Variants in GLS2 observed in about 807,000 individuals in gnomAD.
The protein encoded by GLS2 is glutaminase 2.
A neutral mutation model predicts 79.0 loss-of-function variants in GLS2; 52 were observed. The ratio of observed to expected loss-of-function variants is 0.66; its 90% confidence interval spans 0.53 to 0.83. The LOEUF (loss-of-function observed/expected upper bound fraction) is 0.83. Ranked by LOEUF, GLS2 falls within the 40% of genes least tolerant of loss-of-function variation. GLS2 has a pLI of 0.00. For missense variants in GLS2, 561 were observed against 764.8 expected, an observed-to-expected ratio of 0.73 and a Z score of 3.14; for synonymous variants, 238 against 280.8, an observed-to-expected ratio of 0.85 and a Z score of 1.52.
Position 56,474,575 on chromosome 12 carries a change from A to G in GLS2, c.1193T>C (p.Met398Thr), listed in dbSNP as rs372033123. ...NTLSLMHSCG[M>T]YDFSGQFAFH... The stretch of plus-strand genomic sequence containing the variant: ...GGCAAACTGGCCAGAGAAGTCATAC[A>G]TGCCGCAGGAATGCATGAGGCTGAG... The change falls in exon 12 of 18, where the codon ATG becomes ACG. Residue 398 changes from methionine to threonine, a missense_variant. Physicochemically the swap from Met to Thr is moderately conservative, Grantham distance 81. Coordinates refer to ENST00000311966, the MANE Select transcript of GLS2 (RefSeq NM_013267.4). The G allele has an allele frequency of 6.2e-6, 10 of 1,614,174 alleles. No homozygotes were observed. The highest frequency in any genetic ancestry group is 8.5e-6 in the Non-Finnish European group (10 of 1,180,042).
intron 1 of GLS2, among the ~76,000 whole-genome samples, chr12:56,485,755 A>G (rs1870629866): frequency 6.6e-6 from 1 of 152,036 alleles, no homozygotes; most frequent in South Asian, 2.1e-4. Context: ...TAAAGTCATA[A>G]ATATGGCCCG....
chr12:56,476,204 C>T, intron 7 of GLS2: 1 of 320,652 alleles, frequency 3.1e-6, no homozygotes, highest in South Asian at 4.6e-5. Context: ...CCCTTGTCAC[C>T]CAGGCTGGAG....
At chr12:56,479,228 G>A in intron 3 of GLS2, 47 bp from the exon 4 acceptor site, 1 of 1,603,768 alleles carries the variant, frequency 6.2e-7, no homozygotes, top group Non-Finnish European at 8.5e-7. Flanking sequence ...AAATGCAGCT[G>A]GGACTCACTC....
In GLS2 at chr12:56,478,363, T is replaced by C. The variant is rs1340734331; in HGVS notation, c.535-101A>G. On this transcript the variant is annotated intron_variant, in intron 4 of 17. Coordinates refer to ENST00000311966, the MANE Select transcript of GLS2 (RefSeq NM_013267.4). ...ATCTTTTAGATAAAAGCTAAAATTC[T>C]GTCTTCTATAGGGCAGAGGGGTTCC... 3 of 1,294,794 alleles carry C rather than the reference T, an allele frequency of 2.3e-6. No homozygotes were observed. In the African/African-American group the frequency reaches 4.4e-5, roughly 19 times the overall value. The allele number at this position is 1,294,794 out of a possible 1,614,324, so 80.2% of individuals were successfully genotyped here.
intron 12 of GLS2, chr12:56,474,185 C>T (rs1592274039): frequency 3.6e-6 from 1 of 275,432 alleles, no homozygotes; most frequent in East Asian, 1.1e-4. Flanking sequence ...CTCTGCCTCC[C>T]AGGTTCAAGC....
rs757866406 is a variant in GLS2, at chr12:56,479,896, T to C, written c.288A>G (p.Leu96=). The change falls in exon 3 of 18, where the codon CTA becomes CTG. Residue 96 remains leucine, a synonymous_variant. Transcript: ENST00000311966. ...CTGATGTCTGCAGTCCAGTGGCCTT[T>C]AGTGCCTTTAGAGGAAAGAAGAGGC... is the stretch of plus-strand genomic sequence containing the variant. ...RIPIHKFTTA[L]KATGLQTSDP... 9.9e-6 allele frequency: 16 copies of C among 1,613,136 alleles called. No individual in the cohort carries two copies. The South Asian group carries it at 1.6e-4, about 17-fold the overall frequency.
At position 56,474,505 on chromosome 12, in the gene GLS2, T is replaced by A. The variant is rs768744866; in HGVS notation, c.1224+39A>T. 10 of 1,610,462 alleles carry A rather than the reference T, an allele frequency of 6.2e-6. No homozygotes were observed. In the South Asian group the frequency reaches 1.1e-4, roughly 18 times the overall value. ...AGTCAGTGTTCTCTCTTCTTAGCAC[T>A]GGGCTCATGACAGATGGATAGCAGA... On this transcript the variant is annotated intron_variant, in intron 12 of 17. Transcript: ENST00000311966.
In GLS2 at chr12:56,487,979, C is replaced by T; in HGVS notation, c.140G>A (p.Gly47Asp). The T allele has an allele frequency of 6.2e-7, 1 of 1,602,340 alleles. No homozygotes were observed. Among genetic ancestry groups the T allele is most frequent in the Non-Finnish European group, 8.5e-7 (1 of 1,179,604 alleles). ...CTGGTGGCTGTGTGGCGTCTCTCTG[C>T]CCTGCGCCGCGGCCTCACTGAGGTG... ...RHHLSEAAAQ[G>D]RETPHSHQPQ... Residue 47 changes from glycine (G) to aspartate (D), a missense_variant, in exon 1 of 18, where the codon GGC becomes GAC. By Grantham distance (94) the Gly-to-Asp change is moderately conservative. Transcript: ENST00000311966.
Position 56,472,248 on chromosome 12 carries a change from G to A in GLS2, c.1512-53C>T, listed in dbSNP as rs140093643. ...TTGCCTAGATCAGACTGGAATCACA[G>A]GTGTTCTTTGTGAACTGGTGTCAGA... On this transcript the variant is annotated intron_variant, in intron 15 of 17. Transcript: ENST00000311966. The A allele has an allele frequency of 3.3e-4, 500 of 1,528,086 alleles. 4 individuals carry two copies. In the East Asian group the frequency reaches 0.011, roughly 33 times the overall value. The allele number at this position is 1,528,086 out of a possible 1,614,324, so 94.7% of individuals were successfully genotyped here.
At chr12:56,473,885 A>G (rs749587595) in intron 12 of GLS2, 7 of 299,620 alleles carry the variant, frequency 2.3e-5, no homozygotes, top group Non-Finnish European at 6.1e-6. Context: ...AAACAGGTAA[A>G]TAAATAGACA....
At chr12:56,481,199 CTTTTTTTTT>C (rs767616017) in intron 1 of GLS2, among the ~76,000 whole-genome samples, 6 of 78,986 alleles carry the variant, frequency 7.6e-5, no homozygotes, top group South Asian at 5.7e-4. Context: ...TGCCAGTGAT[CTTTTTTTTT>C]TTTTTTTTTT....
Position 56,475,619 on chromosome 12 carries a change from C to CT in GLS2, c.929+4dup. 6.2e-7 allele frequency: 1 copy of CT among 1,614,074 alleles called. No individual in the cohort carries two copies. The highest frequency in any genetic ancestry group is 8.5e-7 in the Non-Finnish European group (1 of 1,179,936). ...TTTCAGTCAGTCCTCTGAGTAGGGA[C>CT]TTACGTGGCATTGCTGAAACCCATG... On this transcript the variant is annotated splice_donor_region_variant and intron_variant, in intron 9 of 17. Transcript: ENST00000311966.
intron 1 of GLS2, among the ~76,000 whole-genome samples, chr12:56,484,960 T>G (rs1870568388): frequency 6.6e-6 from 1 of 152,194 alleles, no homozygotes; most frequent in African/African-American, 2.4e-5. Flanking sequence ...TTCCTTGGAA[T>G]TTATGAAATA....
rs755357362 is a variant in GLS2, at chr12:56,487,913, C to T, written c.182+24G>A. 3 of 1,598,190 alleles carry T rather than the reference C, an allele frequency of 1.9e-6. No individual in the cohort carries two copies. In the South Asian group the frequency reaches 3.3e-5, roughly 18 times the overall value. ...AGTGGGAGTGGGGGCAAGCCCGTCC[C>T]CTGCCCTGTCCCAGGAGCCTTACTG... is the stretch of plus-strand genomic sequence containing the variant. On this transcript the variant is annotated intron_variant, in intron 1 of 17. Transcript: ENST00000311966.
In GLS2 at chr12:56,471,400, G is replaced by A. The variant is rs1869245134; in HGVS notation, c.*87C>T. On this transcript the variant is annotated 3_prime_UTR_variant, in exon 18 of 18. Transcript: ENST00000311966. ...GCTTGGTCCCCACTGAAGCAGTGTA[G>A]CTCTCCATAGTATTTTTGGTGGTTA... The A allele has an allele frequency of 7.1e-7, 1 of 1,400,016 alleles. No individual in the cohort carries two copies. The highest frequency in any genetic ancestry group is 1.4e-5 in the African/African-American group (1 of 70,372). The allele number at this position is 1,400,016 out of a possible 1,614,324, so 86.7% of individuals were successfully genotyped here. A position where few individuals can be genotyped will look rare whatever the true frequency, so the allele number is the denominator to read the frequency against.
intron 1 of GLS2, among the ~76,000 whole-genome samples, chr12:56,486,014 CAA>C (rs11414489): frequency 7.5e-5 from 7 of 93,716 alleles, no homozygotes; most frequent in African/African-American, 3.0e-4. Flanking sequence ...ACTCTGTCTC[CAA>C]AAAAAAAAAA....
intron 1 of GLS2, among the ~76,000 whole-genome samples, chr12:56,486,210 A>G (rs1870674429): frequency 6.6e-6 from 1 of 151,962 alleles, no homozygotes; most frequent in Non-Finnish European, 1.5e-5. Context: ...CCTGGGGAGC[A>G]CCAGTCCGAG....
chr12:56,475,793 C>CT (rs5798384), intron 8 of GLS2, 111 bp from the exon 9 acceptor site: 890,205 of 1,403,540 alleles, frequency 0.63, 292,966 homozygotes, highest in Admixed American at 0.75. Flanking sequence ...GCTTTCCTCT[C>CT]TGAGGCCAGC....
At chr12:56,475,595 T>C (rs1288681026) in intron 9 of GLS2, 29 bp downstream of exon 9, 1 of 1,609,678 alleles carries the variant, frequency 6.2e-7, no homozygotes, top group South Asian at 1.1e-5. Flanking sequence ...CCACAATGCT[T>C]TCAGTCAGTC....
Sources: gnomAD v4.1 joint callset for allele counts (sites outside exome capture counted in the v4.1 genomes callset) on GRCh38, gnomAD v4.1.1 for gene constraint, MANE v1.5 for transcripts, NCBI Gene and HGNC (gene_info 2026-07-23, HGNC 2026-07-21) for gene names.